NPR1: variants seen among roughly 807,000 people sequenced by gnomAD.
NPR1 encodes the protein natriuretic peptide receptor 1.
Under a neutral mutation model 116.9 loss-of-function variants are expected in NPR1, and 57 were observed. The ratio of observed to expected loss-of-function variants is 0.49; its 90% CI spans 0.39 to 0.61. The LOEUF (loss-of-function observed/expected upper bound fraction) is 0.61. Among genes scored for constraint, NPR1 ranks in the 20% least tolerant of loss-of-function variants. The pLI is 0.00. For missense variants in NPR1, 1,096 were observed against 1,409.8 expected (o/e 0.78, Z 3.56); for synonymous variants, 555 against 601.6 (o/e 0.92, Z 1.13).
At chr1:153,681,337 C>G (rs371535460) in intron 3 of NPR1, 44 bp downstream of exon 3, 125 of 1,106,754 alleles carry the variant, frequency 1.1e-4, no homozygotes, top group Non-Finnish European at 1.5e-4. Flanking sequence ...CCTCCAGCCC[C>G]CACTCCATGA....
At position 153,685,787 on chromosome 1, in the gene NPR1, C is replaced by T. The variant is rs1669909945; in HGVS notation, c.1606-19C>T. ...TGGGCCCACCGGCTGACCATTCCTC[C>T]TGCTCTCCCTCCTTTCAGAGAGGCT... On this transcript the variant is annotated intron_variant, in intron 8 of 21. Transcript: ENST00000368680. 2 of 1,610,066 alleles carry T rather than the reference C, an allele frequency of 1.2e-6. No homozygotes were observed. The highest frequency in any genetic ancestry group is 1.7e-6 in the Non-Finnish European group (2 of 1,176,296).
intron 11 of NPR1, 133 bp downstream of exon 11, chr1:153,686,883 G>A: frequency 1.6e-6 from 2 of 1,248,912 alleles, no homozygotes; most frequent in East Asian, 2.4e-5. Context: ...GGGAGTTGGG[G>A]AAGGGCAGTG....
intron 20 of NPR1, among the ~76,000 whole-genome samples, chr1:153,690,745 C>A (rs1035222572): frequency 2.6e-5 from 4 of 151,730 alleles, no homozygotes; most frequent in African/African-American, 9.7e-5. Flanking sequence ...GGTTCGAGAC[C>A]AGCCTGACCA....
At chr1:153,688,267 C>T (rs1669990658) in intron 15 of NPR1, 46 bp downstream of exon 15, 1 of 1,582,606 alleles carries the variant, frequency 6.3e-7, no homozygotes, top group South Asian at 1.1e-5. Flanking sequence ...CCTCCACAGC[C>T]ACCATTTACC....
intron 8 of NPR1, 125 bp downstream of exon 8, chr1:153,685,209 T>A: frequency 7.7e-7 from 1 of 1,298,972 alleles, no homozygotes; most frequent in Non-Finnish European, 1.0e-6. Context: ...CTGTGTGACC[T>A]TGAGCGACTC....
chr1:153,685,758 A>C, intron 8 of NPR1, 48 bp from the exon 9 acceptor site: 1 of 1,444,210 alleles, frequency 6.9e-7, no homozygotes, highest in East Asian at 2.3e-5. Flanking sequence ...ATCAGGATGC[A>C]GACTGGGCCC....
Position 153,686,252 on chromosome 1 carries a change from A to T in NPR1, c.1758+52A>T. 1.9e-6 allele frequency: 3 copies of T among 1,541,348 alleles called. No individual in the cohort carries two copies. The South Asian group carries it at 3.4e-5, about 17-fold the overall frequency. On this transcript the variant is annotated intron_variant, in intron 10 of 21. Transcript: ENST00000368680. The stretch of plus-strand genomic sequence containing the variant: ...TGGAGAAGGGGCCCTCGGGGACGCA[A>T]GGGAGACTGGCCAACAGAACTAGTT...
chr1:153,685,442 T>C (rs1271886084), intron 8 of NPR1, among the ~76,000 whole-genome samples: 5 of 151,728 alleles, frequency 3.3e-5, no homozygotes, highest in African/African-American at 4.8e-5. Flanking sequence ...GGCAGGAGGA[T>C]TGCTTGTGCC....
At chr1:153,680,304 C>T (rs1203142084) in intron 1 of NPR1, among the ~76,000 whole-genome samples, 197 bp from the exon 2 acceptor site, 1 of 149,578 alleles carries the variant, frequency 6.7e-6, no homozygotes, top group Non-Finnish European at 1.5e-5. Context: ...TCCCGCCCAC[C>T]GCCCCGCACC....
At position 153,687,859 on chromosome 1, in the gene NPR1, C is replaced by T. The variant is rs920410167; in HGVS notation, c.2248+70C>T. 2.7e-5 allele frequency: 39 copies of T among 1,464,562 alleles called. No individual in the cohort carries two copies. The Admixed American group carries it at 6.3e-4, about 24-fold the overall frequency. 90.7% of individuals were successfully genotyped at this position (1,464,562 alleles called of 1,614,324 possible). ...AACCCCAGCCCCAGGGAGAGGGTCC[C>T]CTGGCAGCACCACCACACCTTCCTT... On this transcript the variant is annotated intron_variant, in intron 14 of 21. Transcript: ENST00000368680.
At position 153,687,262 on chromosome 1, in the gene NPR1, C is replaced by T. The variant is rs758207169; in HGVS notation, c.1998C>T (p.Cys666=). 47 of 1,614,000 alleles carry T rather than the reference C, an allele frequency of 2.9e-5. No individual in the cohort carries two copies. The highest frequency in any genetic ancestry group is 4.5e-5 in the East Asian group (2 of 44,894). The change falls in exon 13 of 22, where the codon TGC becomes TGT. Residue 666 remains cysteine (C), a synonymous_variant. Coordinates refer to ENST00000368680, the MANE Select transcript of NPR1 (RefSeq NM_000906.4). ...CSHGNLKSSN[C]VVDGRFVLKI... Reference sequence around the variant, plus strand: ...ATGGGAACCTCAAGTCATCCAACTGCGTGGTAGATGGGCGCTTTGTGCTCA... The same window carrying T: ...ATGGGAACCTCAAGTCATCCAACTGTGTGGTAGATGGGCGCTTTGTGCTCA...
rs13306004 is a variant in NPR1, at chr1:153,679,032, G to A, written c.-77G>A. ...TCCCATAGGGACGCGCCTGATGCCT[G>A]GGACCGGCCGCTGAGCCCAAGGGGA... On this transcript the variant is annotated 5_prime_UTR_variant, in exon 1 of 22. Transcript: ENST00000368680. The surrounding 1 kb of genome is among the most constrained non-coding windows in gnomAD (Gnocchi z 4.2). 8,095 of 1,368,670 alleles carry A rather than the reference G, an allele frequency of 5.9e-3. 232 individuals are homozygous for A. The highest frequency in any genetic ancestry group is 0.052 in the African/African-American group (3,399 of 64,984). 84.8% of individuals were successfully genotyped at this position (1,368,670 alleles called of 1,614,324 possible).
In NPR1 at chr1:153,688,075, G is replaced by A. The variant is rs201260172; in HGVS notation, c.2271G>A (p.Arg757=). 27 of 1,611,424 alleles carry A rather than the reference G, an allele frequency of 1.7e-5. No homozygotes were observed. In the East Asian group the frequency reaches 5.6e-4, roughly 33 times the overall value. ...SPKEIIERVT[R]GEQPPFRPSL... is the part of the protein sequence containing the mutation. ...CAGAGATCATCGAGCGGGTGACTCG[G>A]GGTGAGCAGCCCCCCTTCCGGCCCT... Residue 757 remains arginine, a synonymous_variant, in exon 15 of 22, where the codon CGG becomes CGA. Coordinates refer to ENST00000368680, the MANE Select transcript of NPR1 (RefSeq NM_000906.4).
intron 5 of NPR1, among the ~76,000 whole-genome samples, chr1:153,683,168 A>G (rs1426005127): frequency 6.6e-6 from 1 of 152,074 alleles, no homozygotes; most frequent in African/African-American, 2.4e-5. Flanking sequence ...ACCCCTTGAT[A>G]GTTTTCAGGT....
intron 8 of NPR1, 124 bp from the exon 9 acceptor site, chr1:153,685,682 A>C: frequency 1.3e-6 from 1 of 761,862 alleles, no homozygotes; most frequent in Non-Finnish European, 2.2e-6. Flanking sequence ...ACCCAACAAC[A>C]AAAAGGAAGG....
chr1:153,689,808 G>A lies in NPR1; in HGVS notation c.2760G>A (p.Val920=), dbSNP rs1670042552. 1 of 1,556,436 alleles carries A rather than the reference G, an allele frequency of 6.4e-7. No individual in the cohort carries two copies. Among genetic ancestry groups the A allele is most frequent in the South Asian group, 1.2e-5 (1 of 84,312 alleles). ...GCACCCCCTCGCCACTCCCACAGGT[G>A]GAGACAATTGGCGATGCCTACATGG... ...AVIDNFDVYK[V]ETIGDAYMVV... Residue 920 remains valine, a splice_region_variant and synonymous_variant, in exon 19 of 22, where the codon GTG becomes GTA. Coordinates refer to ENST00000368680, the MANE Select transcript of NPR1 (RefSeq NM_000906.4). This position sits in a 1 kb window ranked among gnomAD's most constrained non-coding sequence, Gnocchi z 5.1.
chr1:153,683,920 G>T, intron 7 of NPR1, 96 bp downstream of exon 7: 1 of 1,038,698 alleles, frequency 9.6e-7, no homozygotes, highest in Non-Finnish European at 1.5e-6. Flanking sequence ...GGGCAGGGGT[G>T]AAGGGGCACC....
chr1:153,690,416 G>T, intron 20 of NPR1, 34 bp downstream of exon 20: 1 of 1,502,126 alleles, frequency 6.7e-7, no homozygotes, highest in Non-Finnish European at 9.1e-7. Flanking sequence ...AATGGGGAGG[G>T]CAGGGTGGCT....
At chr1:153,683,628 C>T in intron 6 of NPR1, 112 bp from the exon 7 acceptor site, 1 of 1,548,220 alleles carries the variant, frequency 6.5e-7, no homozygotes, top group Non-Finnish European at 8.9e-7. Context: ...TGACTCCTGC[C>T]TTTTTCTTCC....
Sources: allele counts gnomAD v4.1 joint callset (sites outside exome capture counted in the v4.1 genomes callset), GRCh38; gene constraint gnomAD v4.1.1; non-coding constraint Gnocchi (gnomAD v3.1); transcripts MANE v1.5; gene names NCBI Gene and HGNC (gene_info 2026-07-23, HGNC 2026-07-21).